TEAD2: variants seen among roughly 807,000 people sequenced by gnomAD.
TEAD2 encodes the protein TEA domain transcription factor 2, also known as transcriptional enhancer factor TEF-4.
In TEAD2, 51 loss-of-function variants were observed where a neutral mutation model predicts 61.4. That is an observed-to-expected ratio of 0.83 (90% CI 0.66 to 1.05). The LOEUF is 1.05. TEAD2 is among the 50% of genes least tolerant of loss of function. TEAD2 has a pLI of 0.00. For synonymous variants in TEAD2, 244 were observed against 243.2 expected (o/e 1.00, Z -0.03); for missense variants, 509 against 600.0 (o/e 0.85, Z 1.58).
chr19:49,355,859 G>A lies in TEAD2; in HGVS notation c.372+100C>T, dbSNP rs1972356945. 3.6e-6 allele frequency: 4 copies of A among 1,126,526 alleles called. No individual in the cohort carries two copies. In the East Asian group the frequency reaches 1.2e-4, roughly 33 times the overall value. The allele number at this position is 1,126,526 out of a possible 1,614,324, so 69.8% of individuals were successfully genotyped here. ...AAAAAAAAGGCAAAGGCTTGGGTTG[G>A]GGGAGGGTTGAACCTCTCCCCACAG... On this transcript the variant is annotated intron_variant, in intron 5 of 12. Transcript: ENST00000593945.
Position 49,357,483 on chromosome 19 carries a change from G to C in TEAD2, c.298-169C>G, listed in dbSNP as rs888025817. The C allele has an allele frequency of 4.2e-6, 3 of 715,208 alleles. No individual in the cohort carries two copies. In the African/African-American group the frequency reaches 5.3e-5, roughly 13 times the overall value. The allele number at this position is 715,208 out of a possible 1,614,324, so 44.3% of individuals were successfully genotyped here. A position where few individuals can be genotyped will look rare whatever the true frequency, so the allele number is the denominator to read the frequency against. On this transcript the variant is annotated intron_variant, in intron 3 of 12. Transcript: ENST00000593945. ...CACCCGAACACAGATGTCCATAAAG[G>C]AGCTCGTGAACACCACGGACCCTCC...
intron 8 of TEAD2, 128 bp downstream of exon 8, chr19:49,351,173 A>G: frequency 1.1e-6 from 1 of 909,840 alleles, no homozygotes; most frequent in Non-Finnish European, 1.7e-6. Flanking sequence ...GGGAGACTCC[A>G]TCTCAAAACA....
In TEAD2 at chr19:49,352,648, T is replaced by G. The variant is rs111780008; in HGVS notation, c.540-1283A>C. Among the ~76,000 whole-genome samples the G allele has an allele frequency of 8.4e-3, 1,287 of 152,316 alleles. 19 individuals carry two copies. Among genetic ancestry groups the G allele is most frequent in the African/African-American group, 0.029 (1,198 of 41,576 alleles). On this transcript the variant is annotated intron_variant, in intron 7 of 12. Coordinates refer to ENST00000593945, the MANE Select transcript of TEAD2 (RefSeq NM_001256660.2). ...GCCTCCTGCATTCAAGCGATTCTCC[T>G]GCCTCAGCCTTCCAAGTAGCTAGGA...
At position 49,341,820 on chromosome 19, in the gene TEAD2, G is replaced by A. The variant is rs1726289051; in HGVS notation, c.1243-383C>T. On this transcript the variant is annotated intron_variant, in intron 12 of 12. Transcript: ENST00000593945. The surrounding 1 kb of genome is among the most constrained non-coding windows in gnomAD (Gnocchi z 4.2). ...GTTAAAGGGGCTCCCACCATATCAT[G>A]TTCCTTGACAAGCTGAGGATCTGCC... Among the ~76,000 whole-genome samples the A allele has an allele frequency of 6.6e-6, 1 of 152,142 alleles. No individual in the cohort carries two copies. The highest frequency in any genetic ancestry group is 2.4e-5 in the African/African-American group (1 of 41,432).
rs1016155263 is a variant in TEAD2 at position 49,343,213 on chromosome 19, C to G, written c.1089+18G>C. The G allele has an allele frequency of 9.4e-6, 15 of 1,596,888 alleles. No individual in the cohort carries two copies. The highest frequency in any genetic ancestry group is 1.3e-5 in the Non-Finnish European group (15 of 1,171,680). ...CACCCCCAAGTGCTGACCCAGAGCT[C>G]CACCCCTCCAGCCTCACCTCCACCT... On this transcript the variant is annotated intron_variant, in intron 11 of 12. Coordinates refer to ENST00000593945, the MANE Select transcript of TEAD2 (RefSeq NM_001256660.2).
At position 49,353,958 on chromosome 19, in the gene TEAD2, T is replaced by G. The variant is rs752314728; in HGVS notation, c.539+1190A>C. ...ACCACGCCCAGCTAATTGTTTTTTGTTTTTTTTTTTTTGGTGTTTTTAGTA... is the reference window on the plus strand; with the variant it reads ...ACCACGCCCAGCTAATTGTTTTTTGGTTTTTTTTTTTTGGTGTTTTTAGTA... On this transcript the variant is annotated intron_variant, in intron 7 of 12. Transcript: ENST00000593945. 4.5e-3 allele frequency among the ~76,000 whole-genome samples: 307 copies of G among 68,476 alleles called. 1 individual carries two copies. The highest frequency in any genetic ancestry group is 0.011 in the Middle Eastern group (1 of 94). The allele number at this position is 68,476 out of a possible 152,430, so 44.9% of individuals were successfully genotyped here.
At chr19:49,360,405 G>C in intron 1 of TEAD2, 1 of 390,370 alleles carries the variant, frequency 2.6e-6, no homozygotes, top group Non-Finnish European at 4.6e-6. Flanking sequence ...AGAAGGGGCT[G>C]GGGTCTGGAC....
rs1314192084 is a variant in TEAD2 at position 49,359,284 on chromosome 19, A to G, written c.297+151T>C. On this transcript the variant is annotated intron_variant, in intron 3 of 12. Coordinates refer to ENST00000593945, the MANE Select transcript of TEAD2 (RefSeq NM_001256660.2). The surrounding 1 kb of genome is among the most constrained non-coding windows in gnomAD (Gnocchi z 4.1). ...ATAACCCAGCCTCGGGTAATTCTTT[A>G]TAGCAATACAAACGGACTAACACAC... The G allele has an allele frequency of 2.8e-6, 2 of 706,698 alleles. No individual in the cohort carries two copies. Among genetic ancestry groups the G allele is most frequent in the African/African-American group, 3.6e-5 (2 of 56,240 alleles). 43.8% of individuals were successfully genotyped at this position (706,698 alleles called of 1,614,324 possible). A position where few individuals can be genotyped will look rare whatever the true frequency, so the allele number is the denominator to read the frequency against.
chr19:49,353,961 T>G (rs1339927728), intron 7 of TEAD2, among the ~76,000 whole-genome samples: 2 of 150,764 alleles, frequency 1.3e-5, no homozygotes, highest in African/African-American at 2.4e-5. Flanking sequence ...TTTTTTGTTT[T>G]TTTTTTTTTG....
intron 8 of TEAD2, chr19:49,349,185 T>A (rs2146404393): frequency 5.4e-6 from 1 of 185,680 alleles, no homozygotes; most frequent in African/African-American, 2.4e-5. Context: ...GATCCCCAGC[T>A]GGGCACGGTG....
intron 8 of TEAD2, 171 bp from the exon 9 acceptor site, chr19:49,349,016 G>A (rs570143568): frequency 1.8e-5 from 13 of 727,034 alleles, no homozygotes; most frequent in South Asian, 1.5e-4. Context: ...CCAATGAGAC[G>A]TTAGGGGAAA....
rs887269874 is a variant in TEAD2, at chr19:49,341,762, G to A, written c.1243-325C>T. On this transcript the variant is annotated intron_variant, in intron 12 of 12. Coordinates refer to ENST00000593945, the MANE Select transcript of TEAD2 (RefSeq NM_001256660.2). The surrounding 1 kb of genome is among the most constrained non-coding windows in gnomAD (Gnocchi z 4.2). ...GGAGAACCCTCCCTGCAGGTTCCGCGGTCAAGGGGTCTCTGCCTCAGCAGT... is the reference window on the plus strand; with the variant it reads ...GGAGAACCCTCCCTGCAGGTTCCGCAGTCAAGGGGTCTCTGCCTCAGCAGT... Among the ~76,000 whole-genome samples the A allele has an allele frequency of 1.3e-5, 2 of 152,078 alleles. No individual in the cohort carries two copies. The highest frequency in any genetic ancestry group is 6.5e-5 in the Admixed American group (1 of 15,272).
At position 49,340,827 on chromosome 19, in the gene TEAD2, A is replaced by C. The variant is rs1278767815; in HGVS notation, c.*497T>G. ...GGCCCACCTGGCTCTGCTCCTGCACAGAAAGGGTTCATCTTCACTTTGTGA... is the reference window on the plus strand; with the variant it reads ...GGCCCACCTGGCTCTGCTCCTGCACCGAAAGGGTTCATCTTCACTTTGTGA... On this transcript the variant is annotated 3_prime_UTR_variant, in exon 13 of 13. Coordinates refer to ENST00000593945, the MANE Select transcript of TEAD2 (RefSeq NM_001256660.2). 1 of 208,966 alleles carries C rather than the reference A, an allele frequency of 4.8e-6. No individual in the cohort carries two copies. The highest frequency in any genetic ancestry group is 9.7e-6 in the Non-Finnish European group (1 of 102,836). The allele number at this position is 208,966 out of a possible 1,614,324, so 12.9% of individuals were successfully genotyped here.
At chr19:49,350,311 T>G (rs1971930448) in intron 8 of TEAD2, among the ~76,000 whole-genome samples, 1 of 152,076 alleles carries the variant, frequency 6.6e-6, no homozygotes, top group Non-Finnish European at 1.5e-5. Flanking sequence ...TTCTTATTAT[T>G]TTTTATTTTA....
chr19:49,357,321 G>T lies in TEAD2; in HGVS notation c.298-7C>A, dbSNP rs377760250. Reference sequence around the variant, plus strand: ...CCTGGATGTGACTAGAAACCTGGAAGGATCAACGGAGAAGCAGATTCAGGC... The same window carrying T: ...CCTGGATGTGACTAGAAACCTGGAATGATCAACGGAGAAGCAGATTCAGGC... On this transcript the variant is annotated splice_polypyrimidine_tract_variant and splice_region_variant and intron_variant, in intron 3 of 12. Transcript: ENST00000593945. 1 of 1,613,574 alleles carries T rather than the reference G, an allele frequency of 6.2e-7. No individual in the cohort carries two copies. Among genetic ancestry groups the T allele is most frequent in the African/African-American group, 1.3e-5 (1 of 74,848 alleles).
At chr19:49,350,544 A>C (rs911231252) in intron 8 of TEAD2, among the ~76,000 whole-genome samples, 1 of 151,958 alleles carries the variant, frequency 6.6e-6, no homozygotes, top group Non-Finnish European at 1.5e-5. Context: ...CATGTTGGCC[A>C]GGTTGGTCTC....
At position 49,352,265 on chromosome 19, in the gene TEAD2, G is replaced by A. The variant is rs566525454; in HGVS notation, c.540-900C>T. Among the ~76,000 whole-genome samples, 17 of 152,326 alleles carry A rather than the reference G, an allele frequency of 1.1e-4. No homozygotes were observed. The South Asian group carries it at 2.7e-3, about 24-fold the overall frequency. On this transcript the variant is annotated intron_variant, in intron 7 of 12. Coordinates refer to ENST00000593945, the MANE Select transcript of TEAD2 (RefSeq NM_001256660.2). ...CATGTGGCTACTGACCACAGACCACGTGGCCACTGAGCACAAGTGTGGCTC... is the reference window on the plus strand; with the variant it reads ...CATGTGGCTACTGACCACAGACCACATGGCCACTGAGCACAAGTGTGGCTC...
Position 49,342,465 on chromosome 19 carries a change from G to A in TEAD2, c.1215C>T (p.Ser405=), listed in dbSNP as rs145102679. 1,603 of 1,613,928 alleles carry A rather than the reference G, an allele frequency of 9.9e-4. 1 individual carries two copies. The highest frequency in any genetic ancestry group is 1.1e-3 in the Non-Finnish European group (1,317 of 1,179,818). The part of the protein sequence containing the change: ...RQLPERYMMN[S]VLENFTILQV... The stretch of plus-strand genomic sequence containing the variant: ...GGAGGATGGTGAAGTTTTCCAGGAC[G>A]CTGTTCATCATGTATCGCTCAGGCA... Residue 405 remains serine, a synonymous_variant, in exon 12 of 13, where the codon AGC becomes AGT. Coordinates refer to ENST00000593945, the MANE Select transcript of TEAD2 (RefSeq NM_001256660.2).
intron 4 of TEAD2, 110 bp downstream of exon 4, chr19:49,357,142 C>T (rs1394247517): frequency 5.3e-6 from 6 of 1,138,332 alleles, no homozygotes; most frequent in African/African-American, 3.1e-5. Flanking sequence ...GTCCTCCCCG[C>T]TCTAAGTCTC....
Sources: allele counts gnomAD v4.1 joint callset (sites outside exome capture counted in the v4.1 genomes callset), GRCh38; gene constraint gnomAD v4.1.1; non-coding constraint Gnocchi (gnomAD v3.1); transcripts MANE v1.5; gene names NCBI Gene and HGNC (gene_info 2026-07-23, HGNC 2026-07-21).